R3HDM1: variants seen among roughly 807,000 people sequenced by gnomAD.
The protein encoded by R3HDM1 is R3H domain-containing protein 1.
R3HDM1 carries 46 observed loss-of-function variants against 141.1 expected under a neutral mutation model. That is an observed-to-expected ratio of 0.33 (90% CI 0.26 to 0.42). The LOEUF is 0.42. Ranked by LOEUF, R3HDM1 falls within the 10% of genes least tolerant of loss-of-function variation. The pLI, the probability that R3HDM1 is intolerant of heterozygous loss-of-function variation, is 1.00. For missense variants in R3HDM1, 1,184 were observed against 1,368.3 expected (o/e 0.87, Z 2.12); for synonymous variants, 435 against 472.9 (o/e 0.92, Z 1.04).
chr2:135,542,611 A>G (rs1697842729), intron 1 of R3HDM1, among the ~76,000 whole-genome samples: 1 of 152,214 alleles, frequency 6.6e-6, no homozygotes, highest in Admixed American at 6.5e-5. Flanking sequence ...AGATATTTAT[A>G]TTATAAGCAT....
Position 135,651,745 on chromosome 2 carries a change from T to A in R3HDM1, c.1741T>A (p.Ser581Thr), listed in dbSNP as rs2065172230. 3 of 1,609,938 alleles carry A rather than the reference T, an allele frequency of 1.9e-6. No homozygotes were observed. The highest frequency in any genetic ancestry group is 2.5e-6 in the Non-Finnish European group (3 of 1,176,900). The change falls in exon 18 of 27, where the codon TCT becomes ACT. Residue 581 changes from serine to threonine, a missense_variant. Ser to Thr is a moderately conservative substitution (Grantham distance 58, BLOSUM62 1). This residue lies in a region of R3HDM1 where 563 missense variants were observed against 562.0 expected (regional missense o/e 1.00). Coordinates refer to ENST00000683871, the MANE Select transcript of R3HDM1 (RefSeq NM_001378107.1). ...CCTTTTTTAGCAGGATAACCTAGGG[T>A]CTCAGTTTAGCCACATGAGTCTTGC... ...QQYSVQDNLGSQFSHMSLARQ... is the reference protein window; with the variant it reads ...QQYSVQDNLGTQFSHMSLARQ...
chr2:135,671,591 A>G (rs2068358948), intron 19 of R3HDM1, among the ~76,000 whole-genome samples: 1 of 149,788 alleles, frequency 6.7e-6, no homozygotes, highest in Admixed American at 6.6e-5. Context: ...CTGGTCTTGA[A>G]CTCCTGACGT....
intron 1 of R3HDM1, among the ~76,000 whole-genome samples, chr2:135,553,851 C>T (rs997887529): frequency 5.9e-5 from 9 of 152,270 alleles, no homozygotes; most frequent in South Asian, 4.1e-4. Context: ...CCACCACACC[C>T]GGCTAATTTT....
intron 3 of R3HDM1, among the ~76,000 whole-genome samples, chr2:135,613,490 T>C (rs999615232): frequency 7.2e-5 from 11 of 152,166 alleles, no homozygotes; most frequent in African/African-American, 2.7e-4. Context: ...AAATTGTATC[T>C]TAAGGTCACT....
intron 1 of R3HDM1, among the ~76,000 whole-genome samples, chr2:135,568,592 T>G (rs1225310922): frequency 6.7e-6 from 1 of 149,074 alleles, no homozygotes; most frequent in African/African-American, 2.5e-5. Context: ...TCAGGTGATC[T>G]ACCCGCCTTG....
chr2:135,551,739 G>A (rs1352936384), intron 1 of R3HDM1, among the ~76,000 whole-genome samples: 1 of 152,122 alleles, frequency 6.6e-6, no homozygotes, highest in African/African-American at 2.4e-5. Flanking sequence ...TTTGAGATCG[G>A]GGGGTGTATC....
chr2:135,553,933 G>A (rs530041163), intron 1 of R3HDM1, among the ~76,000 whole-genome samples: 64 of 152,176 alleles, frequency 4.2e-4, no homozygotes, highest in African/African-American at 1.5e-3. Context: ...CAGCTGATCC[G>A]CCCACCTTGC....
chr2:135,625,232 C>T (rs925686734), intron 7 of R3HDM1, among the ~76,000 whole-genome samples: 11 of 152,110 alleles, frequency 7.2e-5, no homozygotes, highest in Non-Finnish European at 7.4e-5. Context: ...AGTGGATCAC[C>T]TGAGGTCAGG....
rs376486443 is a variant in R3HDM1, at chr2:135,645,389, C to T, written c.1485C>T (p.Phe495=). 1 of 1,607,446 alleles carries T rather than the reference C, an allele frequency of 6.2e-7. No homozygotes were observed. The highest frequency in any genetic ancestry group is 2.2e-5 in the East Asian group (1 of 44,678). Residue 495 remains phenylalanine (F), a synonymous_variant, in exon 16 of 27, where the codon TTC becomes TTT. Coordinates refer to ENST00000683871, the MANE Select transcript of R3HDM1 (RefSeq NM_001378107.1). ...ILINPQTGQP[F]INPDGSPVVY... ...TTTTGAATTTTTCAGGTCAGCCCTT[C>T]ATAAACCCAGATGGGAGTCCAGTTG... is the stretch of plus-strand genomic sequence containing the variant.
chr2:135,700,829 G>A (rs1448788400), intron 21 of R3HDM1, among the ~76,000 whole-genome samples: 1 of 152,132 alleles, frequency 6.6e-6, no homozygotes, highest in Non-Finnish European at 1.5e-5. Flanking sequence ...CCTTTTGTGG[G>A]TGATTTCATA....
chr2:135,681,782 C>T (rs568589931), intron 21 of R3HDM1, among the ~76,000 whole-genome samples: 1 of 151,918 alleles, frequency 6.6e-6, no homozygotes, highest in Non-Finnish European at 1.5e-5. Context: ...CCCCCTGGAT[C>T]CTGAAAAACA....
chr2:135,622,845 C>T (rs2061636873), intron 7 of R3HDM1, 113 bp downstream of exon 7: 2 of 1,338,512 alleles, frequency 1.5e-6, no homozygotes, highest in Non-Finnish European at 1.9e-6. Flanking sequence ...ATTTGAAGTA[C>T]ACCAGAAACA....
At chr2:135,669,442 A>T (rs1226531578) in intron 19 of R3HDM1, 2 of 984,396 alleles carry the variant, frequency 2.0e-6, no homozygotes, top group Middle Eastern at 5.2e-4. Context: ...CATTATTTCC[A>T]GTAATTATCT....
chr2:135,652,559 T>C (rs556656637), intron 18 of R3HDM1, among the ~76,000 whole-genome samples: 1 of 152,348 alleles, frequency 6.6e-6, no homozygotes, highest in East Asian at 1.9e-4. Flanking sequence ...TTGCTAATAT[T>C]TGTTAAAGAT....
intron 23 of R3HDM1, 88 bp from the exon 24 acceptor site, chr2:135,715,462 C>T (rs900430634): frequency 7.3e-7 from 1 of 1,369,810 alleles, no homozygotes; most frequent in African/African-American, 1.5e-5. Flanking sequence ...GAATTATTTT[C>T]TAACAAGTAC....
intron 21 of R3HDM1, among the ~76,000 whole-genome samples, chr2:135,684,245 T>C (rs1461787323): frequency 2.6e-5 from 4 of 151,964 alleles, no homozygotes; most frequent in South Asian, 4.2e-4. Flanking sequence ...CGCCCGCCAC[T>C]ACGCCCGGCT....
In R3HDM1 at chr2:135,641,784, C is replaced by A; in HGVS notation, c.1468C>A (p.Gln490Lys). The change falls in exon 15 of 27, where the codon CAA becomes AAA. Residue 490 changes from glutamine (Q) to lysine (K), a missense_variant. Physicochemically the swap from Gln to Lys is moderately conservative, Grantham distance 53 (BLOSUM62 1). Transcript: ENST00000683871. ...ACCTGGCAGTATTCTGATCAACCCACAAACAGGTTGGTATCCAGAAAAAGG... is the reference window on the plus strand; with the variant it reads ...ACCTGGCAGTATTCTGATCAACCCAAAAACAGGTTGGTATCCAGAAAAAGG... ...IPPGSILINP[Q>K]TGQPFINPDG... is the part of the protein sequence containing the mutation. 6.2e-7 allele frequency: 1 copy of A among 1,608,482 alleles called. No homozygotes were observed. The highest frequency in any genetic ancestry group is 1.7e-4 in the Middle Eastern group (1 of 6,032).
At chr2:135,607,920 G>A (rs750267971) in intron 3 of R3HDM1, 167 of 983,474 alleles carry the variant, frequency 1.7e-4, no homozygotes, top group Admixed American at 1.3e-3. Flanking sequence ...ATAGCATAGC[G>A]ACTGTAACGA....
rs981079592 is a variant in R3HDM1 at position 135,620,594 on chromosome 2, C to A, written c.304-900C>A. On this transcript the variant is annotated intron_variant, in intron 5 of 26. Coordinates refer to ENST00000683871, the MANE Select transcript of R3HDM1 (RefSeq NM_001378107.1). ...TAGCAGTCCTATTGGGGTAAAAAGT[C>A]TACGTGTCTGATTGATGGTTTTCTT... is the stretch of plus-strand genomic sequence containing the variant. 1.0e-5 allele frequency: 10 copies of A among 981,678 alleles called. No homozygotes were observed. In the African/African-American group the frequency reaches 1.8e-4, roughly 17 times the overall value. The allele number at this position is 981,678 out of a possible 1,614,324, so 60.8% of individuals were successfully genotyped here.
Sources: gnomAD v4.1 joint callset for allele counts (sites outside exome capture counted in the v4.1 genomes callset) on GRCh38, gnomAD v4.1.1 for gene constraint, gnomAD v4.1.1 regional missense constraint, MANE v1.5 for transcripts, NCBI Gene and HGNC (gene_info 2026-07-23, HGNC 2026-07-21) for gene names.